Variants in CEP72 observed in about 807,000 individuals in gnomAD.
The protein encoded by CEP72 is centrosomal protein 72, also known as centrosomal protein of 72 kDa.
Under a neutral mutation model 65.7 loss-of-function variants are expected in CEP72, and 78 were observed. The ratio of observed to expected loss-of-function variants is 1.19; its 90% CI spans 0.99 to 1.43. The LOEUF is 1.43. Among genes scored for constraint, CEP72 ranks in the 40% most tolerant of loss-of-function variants. The pLI, the probability that CEP72 is intolerant of heterozygous loss-of-function variation, is 0.00. For synonymous variants in CEP72, 358 were observed against 351.7 expected (o/e 1.02, Z -0.20); for missense variants, 914 against 832.9 (o/e 1.10, Z -1.20).
At position 624,418 on chromosome 5, in the gene CEP72, G is replaced by T; in HGVS notation, c.404-53G>T. On this transcript the variant is annotated intron_variant, in intron 3 of 11. Coordinates refer to ENST00000264935, the MANE Select transcript of CEP72 (RefSeq NM_018140.4). The surrounding 1 kb of genome is among the most constrained non-coding windows in gnomAD (Gnocchi z 4.7). ...CCCGTGTAGATGCCCCAGGGTGGATGCAGCCGCCCGCCGCTTGCCACCTGC... is the reference window on the plus strand; with the variant it reads ...CCCGTGTAGATGCCCCAGGGTGGATTCAGCCGCCCGCCGCTTGCCACCTGC... 1.5e-6 allele frequency: 2 copies of T among 1,360,776 alleles called. No individual in the cohort carries two copies. The highest frequency in any genetic ancestry group is 1.1e-6 in the Non-Finnish European group (1 of 952,214). 84.3% of individuals were successfully genotyped at this position (1,360,776 alleles called of 1,614,324 possible). A position where few individuals can be genotyped will look rare whatever the true frequency, so the allele number is the denominator to read the frequency against.
chr5:653,363 T>C lies in CEP72; in HGVS notation c.*210T>C. On this transcript the variant is annotated 3_prime_UTR_variant, in exon 12 of 12. Transcript: ENST00000264935. ...ATGATTACTCCAAGCCCTCTGCATGTTTTCAGACAGAACACATTGACATAT... is the reference window on the plus strand; with the variant it reads ...ATGATTACTCCAAGCCCTCTGCATGCTTTCAGACAGAACACATTGACATAT... The C allele has an allele frequency of 2.2e-6, 1 of 454,570 alleles. No individual in the cohort carries two copies. 28.2% of individuals were successfully genotyped at this position (454,570 alleles called of 1,614,324 possible).
downstream of CEP72, among the ~76,000 whole-genome samples, chr5:669,441 CAGTGCCCATTGGGCCCTGTG>C (rs923439782): frequency 5.3e-5 from 8 of 152,196 alleles, no homozygotes; most frequent in Admixed American, 4.6e-4. Flanking sequence ...CTGGAACTGA[CAGTGCCCATTGGGCCCTGTG>C]GGGGTGTTGA....
chr5:636,846 C>G (rs1737638428), intron 6 of CEP72, among the ~76,000 whole-genome samples: 1 of 151,602 alleles, frequency 6.6e-6, no homozygotes, highest in Non-Finnish European at 1.5e-5. Flanking sequence ...GAAACCTTGT[C>G]TCGCGTGACC....
At position 638,898 on chromosome 5, in the gene CEP72, C is replaced by T. The variant is rs74989915; in HGVS notation, c.1207-191C>T. ...CATCGAGACCTCACTCATCCAGGAC[C>T]GGTGCACCTGGCTAAGCCTCACTGG... On this transcript the variant is annotated intron_variant, in intron 7 of 11. Coordinates refer to ENST00000264935, the MANE Select transcript of CEP72 (RefSeq NM_018140.4). 6.6e-5 allele frequency among the ~76,000 whole-genome samples: 10 copies of T among 152,254 alleles called. No individual in the cohort carries two copies. In the East Asian group the frequency reaches 1.2e-3, roughly 18 times the overall value.
Position 641,422 on chromosome 5 carries a change from C to T in CEP72, c.1539+818C>T, listed in dbSNP as rs929231972. The T allele has an allele frequency of 9.7e-5, 96 of 985,324 alleles. 1 individual carries two copies. Among genetic ancestry groups the T allele is most frequent in the Non-Finnish European group, 1.0e-4 (84 of 829,946 alleles). The allele number at this position is 985,324 out of a possible 1,614,324, so 61.0% of individuals were successfully genotyped here. ...AATTGCGAGTGAAGTCGGCCCGGGACGGCTTCGAAAACTGCCTCTGAACTT... is the reference window on the plus strand; with the variant it reads ...AATTGCGAGTGAAGTCGGCCCGGGATGGCTTCGAAAACTGCCTCTGAACTT... On this transcript the variant is annotated intron_variant, in intron 9 of 11. Transcript: ENST00000264935.
exon 5 of CEP72, chr5:667,051 GAGTC>G: frequency 6.6e-6 from 1 of 150,528 alleles, no homozygotes; most frequent in African/African-American, 2.5e-5. Context: ...CAGTGACCAA[GAGTC>G]AGGGGACAAA....
At chr5:613,113 G>A (rs892619809) in intron 1 of CEP72, among the ~76,000 whole-genome samples, 1 of 152,202 alleles carries the variant, frequency 6.6e-6, no homozygotes, top group East Asian at 1.9e-4. Context: ...TGGCTGTGTG[G>A]GGTTTTGTGG....
chr5:669,156 T>C (rs1359942970), downstream of CEP72, among the ~76,000 whole-genome samples: 2 of 152,144 alleles, frequency 1.3e-5, no homozygotes, highest in East Asian at 1.9e-4. Flanking sequence ...CGGAGGGGGC[T>C]TTGGGGAGAC....
At chr5:668,143 C>G (rs376753909), downstream of CEP72, among the ~76,000 whole-genome samples, 39 of 77,398 alleles carry the variant, frequency 5.0e-4, no homozygotes, top group African/African-American at 8.0e-4. Flanking sequence ...CCGCGTGGGC[C>G]CCGTCAGGGA....
exon 4 of CEP72, chr5:666,027 G>A (rs529736782): frequency 2.4e-5 from 39 of 1,600,924 alleles, no homozygotes; most frequent in Middle Eastern, 1.7e-4. Context: ...CCTCGCGAAC[G>A]GCCTCCTCGC....
chr5:660,710 G>A (rs1451236937), downstream of CEP72: 2 of 152,298 alleles, frequency 1.3e-5, no homozygotes, highest in African/African-American at 2.4e-5. Context: ...GGAGCCACAG[G>A]CCTGTGTGAA....
rs1160307882 is a variant in CEP72, at chr5:619,857, AC to A, written c.211-211del. On this transcript the variant is annotated intron_variant, in intron 2 of 11. Transcript: ENST00000264935. The stretch of plus-strand genomic sequence containing the variant: ...GATATTAGCTGTGCTTAGTTGCGTC[AC>A]ATGTGGGTTCCATAAACGACCGTCT... Among the ~76,000 whole-genome samples the A allele has an allele frequency of 4.6e-5, 7 of 152,346 alleles. No individual in the cohort carries two copies. In the South Asian group the frequency reaches 1.2e-3, roughly 27 times the overall value.
At chr5:665,846 A>G (rs1314057834) in intron 3 of CEP72, 65 of 111,460 alleles carry the variant, frequency 5.8e-4, no homozygotes, top group Non-Finnish European at 8.7e-4. Context: ...GCCTCCCAGG[A>G]CCCCCCCCAG....
chr5:672,015 C>T (rs1180853425), downstream of CEP72, among the ~76,000 whole-genome samples: 1 of 152,240 alleles, frequency 6.6e-6, no homozygotes, highest in Admixed American at 6.5e-5. Flanking sequence ...ACACACAGTG[C>T]TCTGAGGACC....
downstream of CEP72, among the ~76,000 whole-genome samples, chr5:670,492 C>T (rs1163279987): frequency 6.6e-6 from 1 of 152,120 alleles, no homozygotes; most frequent in African/African-American, 2.4e-5. Flanking sequence ...GCACCAACCT[C>T]TGGGATCTTC....
the CEP72 span, among the ~76,000 whole-genome samples, chr5:674,985 G>C: frequency 6.8e-6 from 1 of 147,830 alleles, no homozygotes; most frequent in African/African-American, 2.5e-5. Context: ...CAAAGGATCT[G>C]TGGCCGGGGG....
chr5:620,746 C>G (rs1284358010), intron 3 of CEP72, among the ~76,000 whole-genome samples: 1 of 152,218 alleles, frequency 6.6e-6, no homozygotes, highest in East Asian at 1.9e-4. Context: ...GTGCAGTGAC[C>G]TTTGGATCAT....
rs1310078019 is a variant in CEP72 at position 624,610 on chromosome 5, G to C, written c.512+31G>C. 6.8e-7 allele frequency: 1 copy of C among 1,473,832 alleles called. No individual in the cohort carries two copies. Among genetic ancestry groups the C allele is most frequent in the Non-Finnish European group, 9.5e-7 (1 of 1,052,082 alleles). 91.3% of individuals were successfully genotyped at this position (1,473,832 alleles called of 1,614,324 possible). On this transcript the variant is annotated intron_variant, in intron 4 of 11. Transcript: ENST00000264935. The surrounding 1 kb of genome is among the most constrained non-coding windows in gnomAD (Gnocchi z 4.7). ...AACGGAAGTGCTACGGACACCCAGA[G>C]TGTTTCTGACTGGCCTGCTGTCAGG... is the stretch of plus-strand genomic sequence containing the variant.
chr5:675,095 G>A, the CEP72 span, among the ~76,000 whole-genome samples: 111 of 85,364 alleles, frequency 1.3e-3, 1 homozygote, highest in Non-Finnish European at 2.1e-3. Flanking sequence ...GGGGTTCAGT[G>A]TGGTCAGGGG....
Sources: gnomAD v4.1 joint callset for allele counts (sites outside exome capture counted in the v4.1 genomes callset) on GRCh38, gnomAD v4.1.1 for gene constraint, Gnocchi (gnomAD v3.1) non-coding constraint, MANE v1.5 for transcripts, NCBI Gene and HGNC (gene_info 2026-07-23, HGNC 2026-07-21) for gene names.